The following NBPF4 variants were observed in gnomAD, a reference collection of about 807,000 sequenced individuals.
NBPF4 encodes the protein NBPF family member NBPF4.
In NBPF4, 11 loss-of-function variants were observed where a neutral mutation model predicts 21.1. That is an observed-to-expected ratio of 0.52 (90% CI 0.33 to 0.86). The LOEUF is 0.86. Among genes scored for constraint, NBPF4 ranks in the 40% least tolerant of loss-of-function variants. The pLI is 0.03. For synonymous variants in NBPF4, 47 were observed against 106.4 expected (o/e 0.44, Z 3.43); for missense variants, 88 against 265.3 (o/e 0.33, Z 4.64).
rs1394795209 is a variant in NBPF4, at chr1:108,223,354, G to A, written c.*351C>T. ...GCTAAGCGTTTTCAGCAAGAACATG[G>A]CATTGCTCATACTCTGCCCTGGCAG... On this transcript the variant is annotated 3_prime_UTR_variant, in exon 15 of 15. Coordinates refer to ENST00000415641, the MANE Select transcript of NBPF4 (RefSeq NM_001143989.3). The A allele has an allele frequency of 3.0e-5, 7 of 234,334 alleles. No individual in the cohort carries two copies. The highest frequency in any genetic ancestry group is 5.0e-5 in the Non-Finnish European group (6 of 119,252). The allele number at this position is 234,334 out of a possible 1,614,324, so 14.5% of individuals were successfully genotyped here.
At position 108,223,703 on chromosome 1, in the gene NBPF4, T is replaced by G. The variant is rs1342183963; in HGVS notation, c.*2A>C. On this transcript the variant is annotated 3_prime_UTR_variant, in exon 15 of 15. Coordinates refer to ENST00000415641, the MANE Select transcript of NBPF4 (RefSeq NM_001143989.3). Reference sequence around the variant, plus strand: ...GGAAAAGCTGCTTTTTGTGACATTCTTTCATCCTGCCATCCTTTGCGTCCT... The same window carrying G: ...GGAAAAGCTGCTTTTTGTGACATTCGTTCATCCTGCCATCCTTTGCGTCCT... The G allele has an allele frequency of 5.7e-6, 9 of 1,570,614 alleles. No individual in the cohort carries two copies. The highest frequency in any genetic ancestry group is 6.9e-6 in the Non-Finnish European group (8 of 1,157,646).
At chr1:108,246,362 A>C (rs1352739358), upstream of NBPF4, among the ~76,000 whole-genome samples, 1 of 122,688 alleles carries the variant, frequency 8.2e-6, no homozygotes, top group African/African-American at 2.9e-5. Flanking sequence ...TCTTAGCTCT[A>C]TTTAAAATGA....
upstream of NBPF4, among the ~76,000 whole-genome samples, chr1:108,244,947 T>C (rs4914970): frequency 0.12 from 4,349 of 34,828 alleles, 673 homozygotes; most frequent in Middle Eastern, 0.18. Context: ...TATATATATA[T>C]ACACACACAT....
intron 3 of NBPF4, among the ~76,000 whole-genome samples, 157 bp from the exon 4 acceptor site, chr1:108,241,321 A>AT (rs1434286712): frequency 1.6e-5 from 2 of 124,424 alleles, no homozygotes; most frequent in African/African-American, 3.1e-5. Flanking sequence ...GAGAAAGAAG[A>AT]ATATATATAT....
chr1:108,228,405 GAGA>G (rs1649540347), intron 13 of NBPF4, among the ~76,000 whole-genome samples: 1 of 146,294 alleles, frequency 6.8e-6, no homozygotes, highest in Non-Finnish European at 1.5e-5. Context: ...ATGAGGGATG[GAGA>G]AGGAGAGGAA....
chr1:108,246,174 G>T (rs1228891827), upstream of NBPF4, among the ~76,000 whole-genome samples: 2 of 118,278 alleles, frequency 1.7e-5, no homozygotes, highest in Non-Finnish European at 3.5e-5. Context: ...CACAGTGTAG[G>T]TGGAGGATGG....
Position 108,223,075 on chromosome 1 carries a change from T to C in NBPF4, c.*630A>G, listed in dbSNP as rs748581899. ...AGACCATTGAGCCAGACAGCTGACCTGTCCTCCACAAACAAGTCCATGTCA... is the reference window on the plus strand; with the variant it reads ...AGACCATTGAGCCAGACAGCTGACCCGTCCTCCACAAACAAGTCCATGTCA... On this transcript the variant is annotated 3_prime_UTR_variant, in exon 15 of 15. Coordinates refer to ENST00000415641, the MANE Select transcript of NBPF4 (RefSeq NM_001143989.3). Among the ~76,000 whole-genome samples the C allele has an allele frequency of 1.9e-4, 29 of 152,280 alleles. No individual in the cohort carries two copies. The highest frequency in any genetic ancestry group is 1.2e-3 in the East Asian group (6 of 5,166).
At chr1:108,247,977 CTA>C (rs1433600578), upstream of NBPF4, among the ~76,000 whole-genome samples, 3 of 151,382 alleles carry the variant, frequency 2.0e-5, no homozygotes, top group African/African-American at 7.4e-5. Flanking sequence ...CCATTTCTGG[CTA>C]TTTTTTTTTT....
At position 108,223,666 on chromosome 1, in the gene NBPF4, T is replaced by C; in HGVS notation, c.*39A>G. 2 of 1,578,558 alleles carry C rather than the reference T, an allele frequency of 1.3e-6. No homozygotes were observed. Among genetic ancestry groups the C allele is most frequent in the South Asian group, 2.3e-5 (2 of 86,540 alleles). On this transcript the variant is annotated 3_prime_UTR_variant, in exon 15 of 15. Coordinates refer to ENST00000415641, the MANE Select transcript of NBPF4 (RefSeq NM_001143989.3). ...TAAACTTGCTTTGCTGTTTTAGTTG[T>C]TTTTATCAAGTGGAAAAGCTGCTTT...
chr1:108,257,618 T>C, the NBPF4 span, among the ~76,000 whole-genome samples: 2 of 143,748 alleles, frequency 1.4e-5, no homozygotes, highest in East Asian at 1.9e-4. Context: ...AAGAAAATCC[T>C]CTACCATTTG....
rs1326020400 is a variant in NBPF4, at chr1:108,224,510, T to A, written c.1876-764A>T. 1.1e-4 allele frequency among the ~76,000 whole-genome samples: 16 copies of A among 147,050 alleles called. 1 individual carries two copies. The highest frequency in any genetic ancestry group is 4.1e-4 in the African/African-American group (16 of 39,140). On this transcript the variant is annotated intron_variant, in intron 14 of 14. Coordinates refer to ENST00000415641, the MANE Select transcript of NBPF4 (RefSeq NM_001143989.3). Reference sequence around the variant, plus strand: ...TGTTTCTTTGGTTGGTTAAAAAAAATAAAAAATATATATAATTATAAGTTT... The same window carrying A: ...TGTTTCTTTGGTTGGTTAAAAAAAAAAAAAAATATATATAATTATAAGTTT...
upstream of NBPF4, among the ~76,000 whole-genome samples, chr1:108,244,802 T>C (rs1649773486): frequency 2.7e-4 from 1 of 3,704 alleles, no homozygotes; most frequent in African/African-American, 8.2e-4. Context: ...CCATCTATCT[T>C]GGGAAGTCTT....
the NBPF4 span, among the ~76,000 whole-genome samples, chr1:108,267,984 C>T: frequency 1.6e-5 from 2 of 123,628 alleles, no homozygotes; most frequent in African/African-American, 5.8e-5. Flanking sequence ...GTTGCCCAGG[C>T]TGGCTTCAAA....
At chr1:108,256,589 T>C in the NBPF4 span, among the ~76,000 whole-genome samples, 6 of 77,452 alleles carry the variant, frequency 7.7e-5, no homozygotes, top group Admixed American at 1.5e-4. Context: ...TCCCTCCCTC[T>C]CTCCCTCCCT....
chr1:108,259,848 T>C, the NBPF4 span, among the ~76,000 whole-genome samples: 2 of 150,758 alleles, frequency 1.3e-5, no homozygotes, highest in African/African-American at 4.9e-5. Flanking sequence ...GCATCATTAA[T>C]ATTATTAATA....
the NBPF4 span, among the ~76,000 whole-genome samples, chr1:108,256,603 TCCC>T: frequency 1.1e-5 from 1 of 92,350 alleles, no homozygotes; most frequent in Non-Finnish European, 2.0e-5. Context: ...CCTCCCTCCC[TCCC>T]TCCCTCCCTT....
At position 108,228,949 on chromosome 1, in the gene NBPF4, G is replaced by C. The variant is rs1159683866; in HGVS notation, c.1631C>G (p.Ala544Gly). 1 of 1,511,356 alleles carries C rather than the reference G, an allele frequency of 6.6e-7. No individual in the cohort carries two copies. Among genetic ancestry groups the C allele is most frequent in the African/African-American group, 1.4e-5 (1 of 71,460 alleles). 93.6% of individuals were successfully genotyped at this position (1,511,356 alleles called of 1,614,324 possible). Residue 544 changes from alanine (A) to glycine (G), a missense_variant, in exon 13 of 15, where the codon GCT (alanine) becomes GGT (glycine). Around this residue, in one of 4 missense-constraint regions of NBPF4, gnomAD observed 11 missense variants for 113.0 expected, o/e 0.10. Coordinates refer to ENST00000415641, the MANE Select transcript of NBPF4 (RefSeq NM_001143989.3). ...SSTTCSFSANADSGNQWPFQE... is the reference protein window; with the variant it reads ...SSTTCSFSANGDSGNQWPFQE... ...GAAGGGCCATTGGTTCCCAGAATCA[G>C]CATTGGCTGAGAAGCTGCAGGTGGT... is the stretch of plus-strand genomic sequence containing the variant.
chr1:108,258,368 C>T, the NBPF4 span, among the ~76,000 whole-genome samples: 1 of 138,552 alleles, frequency 7.2e-6, no homozygotes, highest in Non-Finnish European at 1.6e-5. Flanking sequence ...AGATTTATCC[C>T]TATGCATTTT....
At chr1:108,257,601 T>TGG in the NBPF4 span, among the ~76,000 whole-genome samples, 3 of 143,606 alleles carry the variant, frequency 2.1e-5, no homozygotes, top group African/African-American at 8.2e-5. Flanking sequence ...TCATACCCAT[T>TGG]TGTTAAAAGA....
Sources: allele counts gnomAD v4.1 joint callset (sites outside exome capture counted in the v4.1 genomes callset), GRCh38; gene constraint gnomAD v4.1.1; regional missense constraint gnomAD v4.1.1; transcripts MANE v1.5; gene names NCBI Gene and HGNC (gene_info 2026-07-23, HGNC 2026-07-21).